Variants in GLRX observed in about 807,000 individuals in gnomAD.
The protein encoded by GLRX is glutaredoxin-1.
GLRX carries 9 observed loss-of-function variants against 11.1 expected under a neutral mutation model. That is an observed-to-expected ratio of 0.81 (90% CI 0.49 to 1.42). The LOEUF (loss-of-function observed/expected upper bound fraction) is 1.42, where lower values mean the gene tolerates loss of function less well. GLRX is among the 40% of genes most tolerant of loss of function. The pLI is 0.00. For synonymous variants in GLRX, 49 were observed against 49.5 expected (o/e 0.99, Z 0.04); for missense variants, 102 against 126.2 (o/e 0.81, Z 0.92).
Position 95,817,166 on chromosome 5 carries a change from T to TA in GLRX, c.208-541dup, listed in dbSNP as rs368211573. Reference sequence around the variant, plus strand: ...CAGTGGCTCATGAATGTAATCCTACTACTTTTGTGAGGCTGAGGTGGGAGG... The same window carrying TA: ...CAGTGGCTCATGAATGTAATCCTACTAACTTTTGTGAGGCTGAGGTGGGAGG... On this transcript the variant is annotated intron_variant, in intron 1 of 2. Transcript: ENST00000237858. The TA allele has an allele frequency of 1.1e-3, 168 of 153,384 alleles. 2 individuals are homozygous for TA. In the Middle Eastern group the frequency reaches 0.017, roughly 15 times the overall value. 9.5% of individuals were successfully genotyped at this position (153,384 alleles called of 1,614,324 possible). A position where few individuals can be genotyped will look rare whatever the true frequency, so the allele number is the denominator to read the frequency against.
At position 95,815,185 on chromosome 5, in the gene GLRX, T is replaced by C. The variant is rs77578440; in HGVS notation, c.*7-796A>G. Among the ~76,000 whole-genome samples the C allele has an allele frequency of 3.4e-3, 513 of 152,312 alleles. 2 individuals are homozygous for C. The highest frequency in any genetic ancestry group is 0.012 in the African/African-American group (487 of 41,560). On this transcript the variant is annotated intron_variant, in intron 2 of 2. Transcript: ENST00000237858. ...AATGCCCACACCAAAATAGAAGCAGTTGGAGAAATAACATTTCCCATCTTC... is the reference window on the plus strand; with the variant it reads ...AATGCCCACACCAAAATAGAAGCAGCTGGAGAAATAACATTTCCCATCTTC...
At chr5:95,822,329 C>T in intron 1 of GLRX, 127 bp downstream of exon 1, 1 of 672,212 alleles carries the variant, frequency 1.5e-6, no homozygotes, top group Non-Finnish European at 2.6e-6. Flanking sequence ...CCCCACACCC[C>T]CCGCCCCGCA....
At chr5:95,819,366 A>G (rs1340958915) in intron 1 of GLRX, 1 of 152,244 alleles carries the variant, frequency 6.6e-6, no homozygotes, top group Admixed American at 6.5e-5. Flanking sequence ...ATCACCTTGC[A>G]AGAAATGCCC....
In GLRX at chr5:95,816,743, T is replaced by A. The variant is rs1391627851; in HGVS notation, c.208-117A>T. 3.0e-5 allele frequency: 20 copies of A among 659,028 alleles called. No individual in the cohort carries two copies. In the South Asian group the frequency reaches 3.2e-4, roughly 11 times the overall value. 40.8% of individuals were successfully genotyped at this position (659,028 alleles called of 1,614,324 possible). A position where few individuals can be genotyped will look rare whatever the true frequency, so the allele number is the denominator to read the frequency against. On this transcript the variant is annotated intron_variant, in intron 1 of 2. Coordinates refer to ENST00000237858, the MANE Select transcript of GLRX (RefSeq NM_001118890.2). ...CTTTTCAAATCACTTTAAAACCTCCTTATGTATATGCTCACAGGACAGGAC... is the reference window on the plus strand; with the variant it reads ...CTTTTCAAATCACTTTAAAACCTCCATATGTATATGCTCACAGGACAGGAC...
chr5:95,821,225 A>C (rs1236477473), intron 1 of GLRX, among the ~76,000 whole-genome samples: 1 of 152,214 alleles, frequency 6.6e-6, no homozygotes, highest in Non-Finnish European at 1.5e-5. Flanking sequence ...CCTAATGTGC[A>C]GCAAAGTTTG....
At chr5:95,822,393 C>T (rs1747275215) in intron 1 of GLRX, 63 bp downstream of exon 1, 4 of 1,327,596 alleles carry the variant, frequency 3.0e-6, no homozygotes, top group Non-Finnish European at 4.4e-6. Flanking sequence ...TAAAGAAAGG[C>T]ACAGCTCTGA....
At chr5:95,817,711 G>A (rs540611950) in intron 1 of GLRX, 1 of 152,210 alleles carries the variant, frequency 6.6e-6, no homozygotes, top group Non-Finnish European at 1.5e-5. Flanking sequence ...TTCCACCAAG[G>A]CTGCCTGGCA....
chr5:95,822,247 T>G, intron 1 of GLRX: 1 of 593,816 alleles, frequency 1.7e-6, no homozygotes, highest in Non-Finnish European at 3.0e-6. Context: ...CTCCCTCTTC[T>G]GCCCCGTGAA....
At chr5:95,815,497 T>C (rs1163966219) in intron 2 of GLRX, among the ~76,000 whole-genome samples, 3 of 152,180 alleles carry the variant, frequency 2.0e-5, no homozygotes, top group Non-Finnish European at 2.9e-5. Context: ...AGAAATGAGT[T>C]ATTAATTAGC....
At chr5:95,818,183 G>T (rs1381932700) in intron 1 of GLRX, 6 of 152,032 alleles carry the variant, frequency 3.9e-5, no homozygotes, top group African/African-American at 1.5e-4. Flanking sequence ...GAAGCGAAAG[G>T]CTCCTTTACC....
intron 1 of GLRX, among the ~76,000 whole-genome samples, chr5:95,820,364 A>AC (rs1561467873): frequency 2.0e-5 from 3 of 150,910 alleles, no homozygotes; most frequent in South Asian, 2.1e-4. Context: ...AAAAAAAAAA[A>AC]AAAAAAAAAA....
chr5:95,815,578 T>C (rs1474134619), intron 2 of GLRX, among the ~76,000 whole-genome samples: 1 of 152,206 alleles, frequency 6.6e-6, no homozygotes, highest in Non-Finnish European at 1.5e-5. Context: ...TAAAGCAGCA[T>C]TTACATCTCT....
intron 1 of GLRX, chr5:95,817,986 TTAAAAA>T (rs1182440259): frequency 6.6e-5 from 10 of 152,164 alleles, no homozygotes; most frequent in African/African-American, 1.9e-4. Context: ...AAGGTAGGCA[TTAAAAA>T]TAAAGTCTAA....
chr5:95,816,394 C>T, intron 2 of GLRX, 113 bp downstream of exon 2: 2 of 634,840 alleles, frequency 3.2e-6, no homozygotes, highest in South Asian at 3.6e-5. Context: ...CCTCAACTCA[C>T]CCCAAATCAT....
rs1156650361 is a variant in GLRX at position 95,822,457 on chromosome 5, G to C, written c.206C>G (p.Thr69Arg). Residue 69 changes from threonine to arginine, a missense_variant and splice_region_variant, in exon 1 of 3, where the codon ACG (threonine) becomes AGG (arginine). Coordinates refer to ENST00000237858, the MANE Select transcript of GLRX (RefSeq NM_001118890.2). Reference protein sequence around the residue: ...DYLQQLTGARTVPRVFIGKDC... With the variant: ...DYLQQLTGARRVPRVFIGKDC... ...CTAGCCGTTTAAAATGAAACTCACC[G>C]TTCTTGCTCCCGTGAGCTGTTGCAA... 8.1e-6 allele frequency: 13 copies of C among 1,611,680 alleles called. No homozygotes were observed. In the South Asian group the frequency reaches 1.4e-4, roughly 18 times the overall value.
At position 95,816,707 on chromosome 5, in the gene GLRX, G is replaced by A. The variant is rs77158759; in HGVS notation, c.208-81C>T. 2.8e-4 allele frequency: 225 copies of A among 793,514 alleles called. 1 individual carries two copies. In the East Asian group the frequency reaches 5.4e-3, roughly 19 times the overall value. 49.2% of individuals were successfully genotyped at this position (793,514 alleles called of 1,614,324 possible). ...TCTATCCTACCACTAAATATTTCCC[G>A]TGATTCCAAACTTTTCAAATCACTT... On this transcript the variant is annotated intron_variant, in intron 1 of 2. Coordinates refer to ENST00000237858, the MANE Select transcript of GLRX (RefSeq NM_001118890.2).
chr5:95,819,772 G>T (rs902175964), intron 1 of GLRX, among the ~76,000 whole-genome samples: 43 of 151,954 alleles, frequency 2.8e-4, no homozygotes, highest in African/African-American at 9.9e-4. Flanking sequence ...GGTGGCAGAC[G>T]CCTGTAGTCC....
intron 1 of GLRX, 148 bp downstream of exon 1, chr5:95,822,308 A>C: frequency 3.1e-6 from 2 of 637,792 alleles, no homozygotes; most frequent in Admixed American, 2.6e-5. Flanking sequence ...GATCCTCTCT[A>C]AGGCGCCCTC....
intron 1 of GLRX, chr5:95,818,031 ATGGCTATTCC>A (rs533822243): frequency 9.2e-5 from 14 of 152,332 alleles, no homozygotes; most frequent in Non-Finnish European, 2.1e-4. Flanking sequence ...GCACATTTCC[ATGGCTATTCC>A]CTGTGCTCTC....
Sources: gnomAD v4.1 joint callset for allele counts (sites outside exome capture counted in the v4.1 genomes callset) on GRCh38, gnomAD v4.1.1 for gene constraint, MANE v1.5 for transcripts, NCBI Gene and HGNC (gene_info 2026-07-23, HGNC 2026-07-21) for gene names.